SBF2: variants seen among roughly 807,000 people sequenced by gnomAD.
SBF2 encodes myotubularin-related protein 13.
In SBF2, 112 loss-of-function variants were observed where a neutral mutation model predicts 225.2. That is an observed-to-expected ratio of 0.50 (90% confidence interval 0.43 to 0.58). SBF2 has a LOEUF of 0.58. Among genes scored for constraint, SBF2 ranks in the 20% least tolerant of loss-of-function variants. The pLI is 0.00. For missense variants in SBF2, 1,996 were observed against 2,206.2 expected (o/e 0.90, Z 1.91); for synonymous variants, 763 against 773.3 (o/e 0.99, Z 0.22).
At chr11:10,110,272 T>A (rs1030552997) in intron 2 of SBF2, among the ~76,000 whole-genome samples, 1 of 152,188 alleles carries the variant, frequency 6.6e-6, no homozygotes. Flanking sequence ...CCAAACTACA[T>A]ATCGAGTAGT....
intron 3 of SBF2, among the ~76,000 whole-genome samples, chr11:10,042,518 G>T (rs1461342244): frequency 6.6e-6 from 1 of 152,122 alleles, no homozygotes; most frequent in Non-Finnish European, 1.5e-5. Flanking sequence ...CACATTCTAT[G>T]AAAGACCTCC....
chr11:9,843,734 G>C (rs957179125), intron 24 of SBF2: 1 of 152,194 alleles, frequency 6.6e-6, no homozygotes, highest in African/African-American at 2.4e-5. Context: ...GATAACAGCT[G>C]GGAATCATAA....
chr11:9,827,843 A>G (rs944558735), intron 28 of SBF2, among the ~76,000 whole-genome samples: 1 of 152,178 alleles, frequency 6.6e-6, no homozygotes, highest in African/African-American at 2.4e-5. Context: ...AGTATCAGGG[A>G]GTACTCCCAG....
At chr11:10,272,039 C>G in intron 1 of SBF2, 1 of 1,123,490 alleles carries the variant, frequency 8.9e-7, no homozygotes, top group East Asian at 2.6e-5. Flanking sequence ...CCTCAGCAAA[C>G]TTCTCTCGAG....
At chr11:9,927,055 G>A (rs1864112097) in intron 16 of SBF2, among the ~76,000 whole-genome samples, 1 of 152,116 alleles carries the variant, frequency 6.6e-6, no homozygotes. Flanking sequence ...GAATGAGAGA[G>A]ATGACATTAT....
At chr11:10,160,705 A>G in intron 2 of SBF2, among the ~76,000 whole-genome samples, 1 of 152,210 alleles carries the variant, frequency 6.6e-6, no homozygotes, top group Non-Finnish European at 1.5e-5. Flanking sequence ...ATATTCTGAA[A>G]GAACTCTAAG....
intron 16 of SBF2, among the ~76,000 whole-genome samples, chr11:9,909,097 T>C (rs1423307952): frequency 6.6e-6 from 1 of 152,050 alleles, no homozygotes; most frequent in Non-Finnish European, 1.5e-5. Flanking sequence ...TCAGTGAATA[T>C]TACTAAACAA....
intron 6 of SBF2, among the ~76,000 whole-genome samples, chr11:10,005,724 C>T (rs536149662): frequency 2.0e-5 from 3 of 152,132 alleles, no homozygotes; most frequent in African/African-American, 4.8e-5. Context: ...TTTGGTGCCA[C>T]GTGACTCAAA....
At chr11:9,976,672 A>G (rs1257525853) in intron 13 of SBF2, among the ~76,000 whole-genome samples, 1 of 152,250 alleles carries the variant, frequency 6.6e-6, no homozygotes, top group Admixed American at 6.5e-5. Flanking sequence ...AAATATTTTT[A>G]TACTATTGCA....
intron 1 of SBF2, among the ~76,000 whole-genome samples, chr11:10,228,851 T>G (rs189450733): frequency 0.023 from 3,447 of 152,270 alleles, 51 homozygotes; most frequent in Non-Finnish European, 0.036. Flanking sequence ...TAGGGAGGAT[T>G]CCCTCTTTTT....
intron 25 of SBF2, among the ~76,000 whole-genome samples, chr11:9,840,844 AGGT>A (rs1856082331): frequency 6.6e-6 from 1 of 151,986 alleles, no homozygotes; most frequent in Non-Finnish European, 1.5e-5. Flanking sequence ...TTACAATCAC[AGGT>A]TACAGAATCC....
At chr11:9,812,762 T>G in intron 29 of SBF2, 54 bp from the exon 30 acceptor site, 1 of 1,583,140 alleles carries the variant, frequency 6.3e-7, no homozygotes, top group Non-Finnish European at 8.6e-7. Context: ...GGTAAAAGAG[T>G]GATGTTTCCA....
At position 9,780,019 on chromosome 11, in the gene SBF2, A is replaced by AT. The variant is rs370727469; in HGVS notation, c.*398dup. Reference sequence around the variant, plus strand: ...TATGAGACAATCTTGGAGGGTTTTGATTTTTGCTTGTTAAACAGGTCTCCG... The same window carrying AT: ...TATGAGACAATCTTGGAGGGTTTTGATTTTTTGCTTGTTAAACAGGTCTCCG... On this transcript the variant is annotated 3_prime_UTR_variant, in exon 40 of 40. Transcript: ENST00000256190. 1.6e-3 allele frequency: 450 copies of AT among 284,748 alleles called. 3 individuals carry two copies. Among genetic ancestry groups the AT allele is most frequent in the African/African-American group, 9.2e-3 (425 of 46,208 alleles). The allele number at this position is 284,748 out of a possible 1,614,324, so 17.6% of individuals were successfully genotyped here.
chr11:10,059,426 A>G (rs543052406), intron 2 of SBF2, among the ~76,000 whole-genome samples: 1 of 152,312 alleles, frequency 6.6e-6, no homozygotes, highest in African/African-American at 2.4e-5. Context: ...GCAATACATA[A>G]TGATAAAGGG....
intron 6 of SBF2, among the ~76,000 whole-genome samples, chr11:10,008,087 A>G (rs1948277395): frequency 1.3e-5 from 2 of 152,328 alleles, no homozygotes; most frequent in South Asian, 2.1e-4. Context: ...GCTACCCTGT[A>G]GGAGCCATCA....
chr11:9,949,594 G>A (rs1387787485), intron 16 of SBF2, among the ~76,000 whole-genome samples: 1 of 152,060 alleles, frequency 6.6e-6, no homozygotes, highest in Non-Finnish European at 1.5e-5. Flanking sequence ...TACACTGAAA[G>A]AATCCTAGGT....
chr11:10,149,226 G>A (rs949293155), intron 2 of SBF2: 9 of 152,318 alleles, frequency 5.9e-5, no homozygotes, highest in African/African-American at 2.2e-4. Context: ...TCAGGCTCAA[G>A]AAAGCCACAC....
intron 17 of SBF2, among the ~76,000 whole-genome samples, chr11:9,892,240 T>C (rs1860887007): frequency 6.6e-6 from 1 of 152,078 alleles, no homozygotes; most frequent in South Asian, 2.1e-4. Context: ...TTCCCCAGCC[T>C]CCTGAGTAGC....
chr11:9,923,205 T>G (rs1292547154), intron 16 of SBF2, among the ~76,000 whole-genome samples: 1 of 152,102 alleles, frequency 6.6e-6, no homozygotes, highest in Non-Finnish European at 1.5e-5. Context: ...CCAAACTAGC[T>G]TTGGAATAAA....
Sources: gnomAD v4.1 joint callset for allele counts (sites outside exome capture counted in the v4.1 genomes callset) on GRCh38, gnomAD v4.1.1 for gene constraint, MANE v1.5 for transcripts, NCBI Gene and HGNC (gene_info 2026-07-23, HGNC 2026-07-21) for gene names.